Variants in LEPROTL1 observed in about 807,000 individuals in gnomAD.
LEPROTL1 encodes leptin receptor overlapping transcript like 1, also known as leptin receptor overlapping transcript-like 1.
LEPROTL1 carries 6 observed loss-of-function variants against 15.4 expected under a neutral mutation model. That is an observed-to-expected ratio of 0.39 (90% CI 0.21 to 0.77). The LOEUF is 0.77. LEPROTL1 is among the 30% of genes least tolerant of loss of function. The pLI is 0.41. For synonymous variants in LEPROTL1, 56 were observed against 52.6 expected, an observed-to-expected ratio of 1.06 and a Z score of -0.28; for missense variants, 128 against 158.1, an observed-to-expected ratio of 0.81 and a Z score of 1.02.
exon 5 of LEPROTL1, chr8:30,137,278 C>G (rs375112131): frequency 1.3e-6 from 2 of 1,551,036 alleles, no homozygotes; most frequent in African/African-American, 2.7e-5. Context: ...CTAGATGGGG[C>G]GCCTACCCTT....
chr8:30,118,551 C>T (rs767254754), intron 3 of LEPROTL1, among the ~76,000 whole-genome samples: 10 of 152,080 alleles, frequency 6.6e-5, no homozygotes, highest in Non-Finnish European at 1.0e-4. Flanking sequence ...CCCTCCACAC[C>T]GGTAGGTATA....
At chr8:30,131,101 T>A (rs996783863) in intron 3 of LEPROTL1, among the ~76,000 whole-genome samples, 1 of 150,550 alleles carries the variant, frequency 6.6e-6, no homozygotes, top group African/African-American at 2.4e-5. Context: ...GCCCAAAAAA[T>A]TTTTTTAGCA....
chr8:30,096,331 G>A, intron 1 of LEPROTL1: 1 of 984,960 alleles, frequency 1.0e-6, no homozygotes. Flanking sequence ...TTGTCAGTGT[G>A]ATGAGAAGCA....
intron 3 of LEPROTL1, 23 bp from the exon 4 acceptor site, chr8:30,105,723 C>CT (rs774841146): frequency 1.1e-5 from 17 of 1,584,496 alleles, no homozygotes; most frequent in Non-Finnish European, 1.5e-5. Flanking sequence ...TGCCTGTTGA[C>CT]TGAGTGTATC....
intron 4 of LEPROTL1, chr8:30,132,918 T>A: frequency 6.7e-7 from 1 of 1,495,492 alleles, no homozygotes; most frequent in African/African-American, 1.4e-5. Flanking sequence ...TGCAAGATAA[T>A]TTTTTAAAGA....
downstream of LEPROTL1, among the ~76,000 whole-genome samples, chr8:30,109,831 A>G (rs769602021): frequency 3.3e-5 from 5 of 151,900 alleles, no homozygotes; most frequent in Non-Finnish European, 5.9e-5. Context: ...GCTTTGTGAC[A>G]GGTATTCTTC....
At chr8:30,137,306 C>A (rs780121792) in exon 5 of LEPROTL1, 195 of 1,551,576 alleles carry the variant, frequency 1.3e-4, no homozygotes, top group Non-Finnish European at 1.6e-4. Flanking sequence ...AAGATGGGAA[C>A]AGCTGAGTCT....
At chr8:30,109,558 C>T (rs542078095), downstream of LEPROTL1, among the ~76,000 whole-genome samples, 2 of 152,132 alleles carry the variant, frequency 1.3e-5, no homozygotes, top group African/African-American at 4.8e-5. Context: ...TAAACTATTT[C>T]CCCCCCATTG....
intron 1 of LEPROTL1, chr8:30,096,369 A>G (rs1480374462): frequency 3.0e-6 from 3 of 985,306 alleles, no homozygotes; most frequent in East Asian, 1.1e-4. Flanking sequence ...TTAACTAATT[A>G]CATTGATTTC....
Position 30,106,985 on chromosome 8 carries a change from T to A in LEPROTL1, c.*1123T>A, listed in dbSNP as rs1399098313. ...GCAAGGCCTTGCCATGATTAACAAG[T>A]AACTTGTTAGTCTTACAGATAATTC... is the stretch of plus-strand genomic sequence containing the variant. On this transcript the variant is annotated 3_prime_UTR_variant, in exon 4 of 4. Coordinates refer to ENST00000321250, the MANE Select transcript of LEPROTL1 (RefSeq NM_015344.3). The A allele has an allele frequency of 3.0e-6, 3 of 985,314 alleles. No individual in the cohort carries two copies. In the African/African-American group the frequency reaches 5.2e-5, roughly 17 times the overall value. 61.0% of individuals were successfully genotyped at this position (985,314 alleles called of 1,614,324 possible).
At chr8:30,122,154 G>A (rs901100496) in intron 3 of LEPROTL1, among the ~76,000 whole-genome samples, 4 of 150,262 alleles carry the variant, frequency 2.7e-5, no homozygotes, top group South Asian at 4.2e-4. Flanking sequence ...GCAACAGAGC[G>A]AGACTCCCTC....
At chr8:30,132,903 GA>G (rs2117533936) in intron 4 of LEPROTL1, 1 of 1,504,684 alleles carries the variant, frequency 6.6e-7, no homozygotes, top group East Asian at 2.5e-5. Context: ...GAGTGATGCA[GA>G]ACCTGCAAGA....
intron 3 of LEPROTL1, among the ~76,000 whole-genome samples, chr8:30,118,662 G>A (rs1050279072): frequency 9.2e-5 from 14 of 152,154 alleles, no homozygotes; most frequent in African/African-American, 3.1e-4. Context: ...TCAGCATATG[G>A]AGGACCTGCA....
intron 1 of LEPROTL1, among the ~76,000 whole-genome samples, chr8:30,099,393 A>ACCAT (rs1437673195): frequency 6.6e-6 from 1 of 151,624 alleles, no homozygotes; most frequent in Admixed American, 6.6e-5. Context: ...AGAGATGGAG[A>ACCAT]CCATCCTGGC....
intron 3 of LEPROTL1, among the ~76,000 whole-genome samples, chr8:30,127,791 A>G (rs1406729959): frequency 6.6e-6 from 1 of 151,884 alleles, no homozygotes; most frequent in Admixed American, 6.6e-5. Context: ...AGATCAAGCA[A>G]GAGAAGGAAA....
At chr8:30,097,696 T>TAGACACAC in intron 1 of LEPROTL1, among the ~76,000 whole-genome samples, 1 of 108,958 alleles carries the variant, frequency 9.2e-6, no homozygotes, top group South Asian at 3.3e-4. Flanking sequence ...TATATATATA[T>TAGACACAC]ATACACACAC....
chr8:30,095,686 G>C, intron 1 of LEPROTL1, 158 bp downstream of exon 1: 4 of 741,452 alleles, frequency 5.4e-6, no homozygotes, highest in Non-Finnish European at 8.7e-6. Flanking sequence ...CGCTTGGCCC[G>C]GAGGTGGGCG....
At chr8:30,101,384 C>G (rs1311305154) in intron 1 of LEPROTL1, among the ~76,000 whole-genome samples, 1 of 152,086 alleles carries the variant, frequency 6.6e-6, no homozygotes, top group African/African-American at 2.4e-5. Flanking sequence ...ATCGGTGTCA[C>G]TGGCTGGATG....
intron 3 of LEPROTL1, among the ~76,000 whole-genome samples, chr8:30,120,419 C>A (rs1336403555): frequency 6.6e-6 from 1 of 151,854 alleles, no homozygotes; most frequent in African/African-American, 2.4e-5. Flanking sequence ...ATAAAGAGGG[C>A]AAAATGTAAA....
Sources: gnomAD v4.1 joint callset for allele counts (sites outside exome capture counted in the v4.1 genomes callset) on GRCh38, gnomAD v4.1.1 for gene constraint, MANE v1.5 for transcripts, NCBI Gene and HGNC (gene_info 2026-07-23, HGNC 2026-07-21) for gene names.